The following NUP133 variants were observed in gnomAD, a reference collection of about 807,000 sequenced individuals.
The protein encoded by NUP133 is nucleoporin 133.
A neutral mutation model predicts 146.2 loss-of-function variants in NUP133; 66 were observed. That is an observed-to-expected ratio of 0.45 (90% CI 0.37 to 0.55). NUP133 has a LOEUF of 0.55. Ranked by LOEUF, NUP133 falls within the 20% of genes least tolerant of loss-of-function variation. The pLI, the probability that NUP133 is intolerant of heterozygous loss-of-function variation, is 0.00. For missense variants in NUP133, 1,277 were observed against 1,374.8 expected (o/e 0.93, Z 1.12); for synonymous variants, 521 against 498.8 (o/e 1.04, Z -0.59).
chr1:229,492,399 G>A (rs1016787850), intron 8 of NUP133, among the ~76,000 whole-genome samples: 8 of 152,002 alleles, frequency 5.3e-5, no homozygotes, highest in African/African-American at 1.4e-4. Context: ...GAGCCACTGC[G>A]CCCGGTCCTA....
At chr1:229,489,523 C>G (rs1661456400) in intron 9 of NUP133, among the ~76,000 whole-genome samples, 1 of 152,158 alleles carries the variant, frequency 6.6e-6, no homozygotes, top group African/African-American at 2.4e-5. Flanking sequence ...TGTCTAGAAA[C>G]AAGCTATTTT....
At chr1:229,501,579 TTAAC>T (rs1350627900) in intron 3 of NUP133, among the ~76,000 whole-genome samples, 23 of 152,318 alleles carry the variant, frequency 1.5e-4, no homozygotes, top group African/African-American at 5.5e-4. Context: ...AGTGAAAAGT[TTAAC>T]TAGCAACTGG....
Position 229,486,545 on chromosome 1 carries a change from C to G in NUP133, c.1343-17G>C. 1 of 1,597,048 alleles carries G rather than the reference C, an allele frequency of 6.3e-7. No homozygotes were observed. Among genetic ancestry groups the G allele is most frequent in the Middle Eastern group, 1.7e-4 (1 of 6,018 alleles). On this transcript the variant is annotated splice_polypyrimidine_tract_variant and intron_variant, in intron 10 of 25. Coordinates refer to ENST00000261396, the MANE Select transcript of NUP133 (RefSeq NM_018230.3). ...CACTATCTCCTAAAAGAAAGGAAAA[C>G]AGAGTCAAATACATCTAACAATAAC...
intron 12 of NUP133, 29 bp downstream of exon 12, chr1:229,484,025 T>G (rs1661285992): frequency 2.0e-6 from 3 of 1,487,996 alleles, no homozygotes; most frequent in Non-Finnish European, 2.8e-6. Context: ...ACACATAAAA[T>G]AATCCATAAT....
chr1:229,458,648 T>A (rs189836278), intron 20 of NUP133, among the ~76,000 whole-genome samples: 1 of 152,256 alleles, frequency 6.6e-6, no homozygotes, highest in East Asian at 1.9e-4. Flanking sequence ...GGCCAATGAC[T>A]GTTACAGACA....
At chr1:229,506,743 CA>C (rs199570629) in intron 1 of NUP133, among the ~76,000 whole-genome samples, 2 of 133,636 alleles carry the variant, frequency 1.5e-5, no homozygotes, top group East Asian at 2.2e-4. Context: ...CTTGTCTCTA[CA>C]AAAAAAATTT....
At chr1:229,469,672 T>C (rs1660909418) in intron 15 of NUP133, among the ~76,000 whole-genome samples, 1 of 152,196 alleles carries the variant, frequency 6.6e-6, no homozygotes, top group Non-Finnish European at 1.5e-5. Context: ...ACAGCCAATG[T>C]AAAGTGCGCA....
intron 8 of NUP133, 22 bp from the exon 9 acceptor site, chr1:229,490,124 T>C (rs778041038): frequency 9.4e-6 from 14 of 1,492,170 alleles, no homozygotes; most frequent in Non-Finnish European, 9.0e-6. Flanking sequence ...AAAAGGAAGA[T>C]GTAAAGCCTC....
At chr1:229,506,574 A>G (rs1661944521) in intron 1 of NUP133, among the ~76,000 whole-genome samples, 1 of 151,500 alleles carries the variant, frequency 6.6e-6, no homozygotes, top group South Asian at 2.1e-4. Flanking sequence ...ATATTGGCTT[A>G]GATGAGATTT....
At chr1:229,505,575 A>G (rs1164709147) in intron 2 of NUP133, among the ~76,000 whole-genome samples, 8 of 147,222 alleles carry the variant, frequency 5.4e-5, no homozygotes, top group Non-Finnish European at 1.2e-4. Flanking sequence ...AAAAAAAAAA[A>G]AAAAAAAAAA....
In NUP133 at chr1:229,490,021, T is replaced by G; in HGVS notation, c.1128A>C (p.Glu376Asp). ...CATCTGACATTTGGCAACCATTATC[T>G]TCTATTGTTATCAGAGAGTAATAGA... ...CLIYYSLITI[E>D]DNGCQMSDAV... Residue 376 changes from glutamate (E) to aspartate (D), a missense_variant, in exon 9 of 26, where the codon GAA (glutamate) becomes GAC (aspartate). Coordinates refer to ENST00000261396, the MANE Select transcript of NUP133 (RefSeq NM_018230.3). 6.2e-7 allele frequency: 1 copy of G among 1,612,234 alleles called. No homozygotes were observed. Among genetic ancestry groups the G allele is most frequent in the Non-Finnish European group, 8.5e-7 (1 of 1,178,754 alleles).
At chr1:229,504,541 C>A (rs1249668441) in intron 2 of NUP133, among the ~76,000 whole-genome samples, 1 of 152,196 alleles carries the variant, frequency 6.6e-6, no homozygotes, top group Admixed American at 6.5e-5. Context: ...TCTAAAGGTA[C>A]ACCACGACAA....
chr1:229,476,021 T>C (rs1206447449), intron 13 of NUP133, among the ~76,000 whole-genome samples: 2 of 151,916 alleles, frequency 1.3e-5, no homozygotes, highest in African/African-American at 4.8e-5. Flanking sequence ...GGCAAGAGAA[T>C]TGCTTGAACC....
chr1:229,476,399 T>C (rs1163761049), intron 13 of NUP133, among the ~76,000 whole-genome samples: 1 of 152,154 alleles, frequency 6.6e-6, no homozygotes, highest in African/African-American at 2.4e-5. Flanking sequence ...AGAAGTAGGA[T>C]AATTAGGGAG....
At chr1:229,491,849 G>A (rs929374825) in intron 8 of NUP133, among the ~76,000 whole-genome samples, 1 of 152,178 alleles carries the variant, frequency 6.6e-6, no homozygotes, top group Non-Finnish European at 1.5e-5. Context: ...AGAGGCTGAA[G>A]CAGGAGGATC....
intron 4 of NUP133, 147 bp from the exon 5 acceptor site, chr1:229,499,965 G>T: frequency 1.1e-6 from 1 of 916,298 alleles, no homozygotes; most frequent in Non-Finnish European, 1.6e-6. Flanking sequence ...GTTTTGGTTT[G>T]CATTTTTCTA....
intron 19 of NUP133, among the ~76,000 whole-genome samples, chr1:229,463,293 A>C (rs1189607094): frequency 6.6e-6 from 1 of 152,118 alleles, no homozygotes; most frequent in African/African-American, 2.4e-5. Context: ...GGAAAGCAGG[A>C]GGTGTGGGAG....
chr1:229,450,772 C>A (rs1660431496), intron 22 of NUP133, 167 bp from the exon 23 acceptor site: 2 of 372,000 alleles, frequency 5.4e-6, no homozygotes, highest in Non-Finnish European at 9.8e-6. Context: ...GTCACCCAGG[C>A]TGGATTGCAG....
chr1:229,449,873 A>ATT (rs71281043), intron 23 of NUP133, among the ~76,000 whole-genome samples: 260 of 85,792 alleles, frequency 3.0e-3, no homozygotes, highest in Non-Finnish European at 4.1e-3. Context: ...ATATATATAT[A>ATT]TTTTTTTTTT....
Sources: gnomAD v4.1 joint callset for allele counts (sites outside exome capture counted in the v4.1 genomes callset) on GRCh38, gnomAD v4.1.1 for gene constraint, MANE v1.5 for transcripts, NCBI Gene and HGNC (gene_info 2026-07-23, HGNC 2026-07-21) for gene names.